Variants in ZNF385D observed in about 807,000 individuals in gnomAD.
ZNF385D encodes the protein zinc finger protein 659.
Under a neutral mutation model 35.8 loss-of-function variants are expected in ZNF385D, and 15 were observed. The ratio of observed to expected loss-of-function variants is 0.42; its 90% CI spans 0.28 to 0.64. The LOEUF is 0.64. Ranked by LOEUF, ZNF385D falls within the 30% of genes least tolerant of loss-of-function variation. The pLI, the probability that ZNF385D is intolerant of heterozygous loss-of-function variation, is 0.23. For synonymous variants in ZNF385D, 212 were observed against 186.8 expected, an observed-to-expected ratio of 1.13 and a Z score of -1.10; for missense variants, 474 against 494.6, an observed-to-expected ratio of 0.96 and a Z score of 0.39.
intron 3 of ZNF385D, among the ~76,000 whole-genome samples, chr3:21,526,130 C>T (rs1299357984): frequency 1.3e-5 from 2 of 152,064 alleles, no homozygotes; most frequent in Non-Finnish European, 2.9e-5. Flanking sequence ...AACAAAAGAA[C>T]TTCAAGAATG....
At chr3:22,024,303 T>C (rs1022029824) in intron 3 of ZNF385D, among the ~76,000 whole-genome samples, 4 of 151,876 alleles carry the variant, frequency 2.6e-5, no homozygotes, top group African/African-American at 7.3e-5. Flanking sequence ...CTTAATAAAC[T>C]CCCCTATATA....
intron 3 of ZNF385D, among the ~76,000 whole-genome samples, chr3:21,869,169 T>A (rs1684511): frequency 6.6e-6 from 1 of 151,810 alleles, no homozygotes; most frequent in Admixed American, 6.6e-5. Context: ...ATTAAGCCAA[T>A]AGAAAGAGAT....
At chr3:21,756,222 GA>G (rs1253550519) in intron 3 of ZNF385D, among the ~76,000 whole-genome samples, 10 of 152,262 alleles carry the variant, frequency 6.6e-5, no homozygotes, top group African/African-American at 2.4e-4. Context: ...AGTGGCGGTA[GA>G]AAAAGTGGTC....
At chr3:22,107,516 T>C (rs1013602136) in intron 3 of ZNF385D, among the ~76,000 whole-genome samples, 17 of 152,200 alleles carry the variant, frequency 1.1e-4, no homozygotes, top group Middle Eastern at 3.4e-3. Context: ...AATAGGGTAA[T>C]AACTGAAGAC....
chr3:21,957,607 A>G (rs551134255), intron 3 of ZNF385D, among the ~76,000 whole-genome samples: 9 of 152,226 alleles, frequency 5.9e-5, no homozygotes, highest in Admixed American at 2.6e-4. Flanking sequence ...TGCATAAGGT[A>G]TTGCTTGAAC....
In ZNF385D at chr3:22,269,086, A is replaced by T. The variant is rs536696797; in HGVS notation, c.107-100051T>A. On this transcript the variant is annotated intron_variant, in intron 2 of 5. Transcript: ENST00000494108. Reference sequence around the variant, plus strand: ...GCTTCTTCTTGTCATCAGTAAATAAACAAATGAACAAACAAACAAACAGCT... The same window carrying T: ...GCTTCTTCTTGTCATCAGTAAATAATCAAATGAACAAACAAACAAACAGCT... Among the ~76,000 whole-genome samples, 58 of 152,108 alleles carry T rather than the reference A, an allele frequency of 3.8e-4. 2 individuals are homozygous for T. In the South Asian group the frequency reaches 0.011, roughly 29 times the overall value.
intron 2 of ZNF385D, among the ~76,000 whole-genome samples, chr3:22,349,169 G>A (rs73140294): frequency 0.08 from 12,127 of 152,104 alleles, 1,430 homozygotes; most frequent in African/African-American, 0.26. Flanking sequence ...CTGAGTGCCT[G>A]GAACAGTACC....
In ZNF385D at chr3:21,849,639, G is replaced by T. The variant is rs371896337; in HGVS notation, c.326-184611C>A. The T allele has an allele frequency of 1.4e-4, 12 of 84,756 alleles. No individual in the cohort carries two copies. In the South Asian group the frequency reaches 5.0e-3, roughly 35 times the overall value. The allele number at this position is 84,756 out of a possible 1,614,324, so 5.3% of individuals were successfully genotyped here. On this transcript the variant is annotated intron_variant, in intron 3 of 5. Coordinates refer to the ZNF385D transcript ENST00000494108. ...TTTTTTTTTTTTTTCTACCACCATC[G>T]CTCTACACATCATTACCTCTGGTCT...
chr3:22,297,705 G>A (rs540799229), intron 2 of ZNF385D, among the ~76,000 whole-genome samples: 33 of 151,998 alleles, frequency 2.2e-4, no homozygotes, highest in African/African-American at 4.8e-4. Context: ...GCAAATACAC[G>A]TGGCGAGGAT....
chr3:21,470,659 C>G (rs1360854854), intron 4 of ZNF385D, among the ~76,000 whole-genome samples: 1 of 152,092 alleles, frequency 6.6e-6, no homozygotes, highest in African/African-American at 2.4e-5. Context: ...AGGGTATACT[C>G]TTTATTCTCT....
At position 22,298,374 on chromosome 3, in the gene ZNF385D, A is replaced by ATGTGTG. The variant is rs372178423; in HGVS notation, c.106+74070_106+74075dup. On this transcript the variant is annotated intron_variant, in intron 2 of 5. Coordinates refer to the ZNF385D transcript ENST00000494108. ...AGGAGAAGAGGAGAAAGCAGTATGT[A>ATGTGTG]TGTGTGTGTGTGTGTGTGTGTATAT... 6.3e-3 allele frequency among the ~76,000 whole-genome samples: 908 copies of ATGTGTG among 143,812 alleles called. 10 individuals carry two copies. The highest frequency in any genetic ancestry group is 0.016 in the African/African-American group (644 of 39,220). The allele number at this position is 143,812 out of a possible 152,430, so 94.3% of individuals were successfully genotyped here.
intron 3 of ZNF385D, among the ~76,000 whole-genome samples, chr3:21,973,044 G>A (rs573000556): frequency 6.8e-4 from 104 of 151,926 alleles, no homozygotes; most frequent in Middle Eastern, 3.4e-3. Context: ...AGGGGAGAGG[G>A]AATACTTCCA....
intron 2 of ZNF385D, among the ~76,000 whole-genome samples, chr3:22,223,577 T>G (rs189048399): frequency 6.6e-6 from 1 of 152,142 alleles, no homozygotes; most frequent in African/African-American, 2.4e-5. Context: ...AGGGTTCCTA[T>G]TAGCAGAACA....
At chr3:22,069,259 C>G (rs964598600) in intron 3 of ZNF385D, among the ~76,000 whole-genome samples, 2 of 152,270 alleles carry the variant, frequency 1.3e-5, no homozygotes, top group South Asian at 4.1e-4. Flanking sequence ...GATGGATAAT[C>G]TCTTGGAACT....
At chr3:22,213,303 A>G (rs538606013) in intron 2 of ZNF385D, among the ~76,000 whole-genome samples, 1 of 152,124 alleles carries the variant, frequency 6.6e-6, no homozygotes, top group South Asian at 2.1e-4. Flanking sequence ...TATTTTTTAT[A>G]TTTACAACCA....
intron 4 of ZNF385D, among the ~76,000 whole-genome samples, chr3:21,504,634 G>A (rs1706634795): frequency 6.6e-6 from 1 of 152,240 alleles, no homozygotes; most frequent in South Asian, 2.1e-4. Context: ...ATATGATAGG[G>A]CAACTAGAAA....
At chr3:21,777,214 T>A (rs560079816) in intron 3 of ZNF385D, among the ~76,000 whole-genome samples, 13 of 152,116 alleles carry the variant, frequency 8.5e-5, no homozygotes, top group African/African-American at 3.1e-4. Flanking sequence ...ATAATTGCAT[T>A]TTGATAAATC....
intron 3 of ZNF385D, among the ~76,000 whole-genome samples, chr3:21,954,618 G>A (rs1022068665): frequency 5.9e-5 from 9 of 151,984 alleles, no homozygotes; most frequent in Non-Finnish European, 1.3e-4. Flanking sequence ...ATCCTTAATA[G>A]TTATATCCTA....
chr3:22,265,238 A>C (rs1700838224), intron 2 of ZNF385D, among the ~76,000 whole-genome samples: 2 of 152,000 alleles, frequency 1.3e-5, no homozygotes, highest in Admixed American at 1.3e-4. Context: ...CGACCTACTC[A>C]GATAATATAA....
Sources: gnomAD v4.1 joint callset for allele counts (sites outside exome capture counted in the v4.1 genomes callset) on GRCh38, gnomAD v4.1.1 for gene constraint, MANE v1.5 for transcripts, NCBI Gene and HGNC (gene_info 2026-07-23, HGNC 2026-07-21) for gene names.